Variants in RFX3 observed in about 807,000 individuals in gnomAD.
RFX3 encodes regulatory factor X3, also known as transcription factor RFX3.
A neutral mutation model predicts 98.6 loss-of-function variants in RFX3; 14 were observed. That is an observed-to-expected ratio of 0.14 (90% CI 0.09 to 0.22). The LOEUF is 0.22. RFX3 is among the 10% of genes least tolerant of loss of function. The pLI, the probability that RFX3 is intolerant of heterozygous loss-of-function variation, is 1.00. For synonymous variants in RFX3, 383 were observed against 328.4 expected (o/e 1.17, Z -1.80); for missense variants, 639 against 926.9 (o/e 0.69, Z 4.03).
At chr9:3,246,317 A>G (rs1051932617) in intron 15 of RFX3, among the ~76,000 whole-genome samples, 8 of 152,250 alleles carry the variant, frequency 5.3e-5, no homozygotes, top group Admixed American at 3.3e-4. Context: ...AACTATTAGA[A>G]TGGAGTTGGC....
intron 5 of RFX3, among the ~76,000 whole-genome samples, chr9:3,299,990 G>A (rs1019199912): frequency 6.6e-6 from 1 of 150,718 alleles, no homozygotes; most frequent in Non-Finnish European, 1.5e-5. Context: ...GCTGAAACAG[G>A]TAACTGGAAA....
intron 1 of RFX3, among the ~76,000 whole-genome samples, chr9:3,464,974 C>G (rs555224557): frequency 6.6e-6 from 1 of 152,078 alleles, no homozygotes; most frequent in South Asian, 2.1e-4. Context: ...CCTATGACTT[C>G]TATGCCTTTT....
At chr9:3,329,140 C>A (rs978156084) in intron 4 of RFX3, among the ~76,000 whole-genome samples, 2 of 152,066 alleles carry the variant, frequency 1.3e-5, no homozygotes, top group Non-Finnish European at 2.9e-5. Flanking sequence ...CTCAGTGGCT[C>A]ACATGCCTGT....
intron 1 of RFX3, among the ~76,000 whole-genome samples, chr9:3,459,235 T>A (rs916459859): frequency 2.0e-5 from 3 of 152,186 alleles, no homozygotes; most frequent in African/African-American, 4.8e-5. Flanking sequence ...CCAACACTTT[T>A]AAATTTCATC....
At chr9:3,281,717 C>T (rs1007207547) in intron 7 of RFX3, among the ~76,000 whole-genome samples, 2 of 151,738 alleles carry the variant, frequency 1.3e-5, no homozygotes, top group Admixed American at 6.6e-5. Context: ...GTCACTAACA[C>T]AGAAAACTTA....
intron 1 of RFX3, among the ~76,000 whole-genome samples, chr9:3,443,322 C>G (rs1294225002): frequency 1.3e-5 from 2 of 152,156 alleles, no homozygotes; most frequent in Non-Finnish European, 2.9e-5. Context: ...GCCCAGCATC[C>G]ATTAGCTATT....
chr9:3,450,384 T>G (rs1469668280), intron 1 of RFX3, among the ~76,000 whole-genome samples: 1 of 152,060 alleles, frequency 6.6e-6, no homozygotes, highest in Non-Finnish European at 1.5e-5. Flanking sequence ...TTTTCTCTCT[T>G]TTTTTTGCTA....
At chr9:3,239,890 G>A (rs1318770763) in intron 15 of RFX3, among the ~76,000 whole-genome samples, 14 of 152,146 alleles carry the variant, frequency 9.2e-5, no homozygotes, top group South Asian at 2.1e-4. Flanking sequence ...TCCCTGCCCC[G>A]TGGCTCTGAG....
intron 1 of RFX3, among the ~76,000 whole-genome samples, chr9:3,520,397 C>A (rs535918095): frequency 6.6e-6 from 1 of 152,214 alleles, no homozygotes; most frequent in African/African-American, 2.4e-5. Context: ...TCTTTCTAAG[C>A]TTACTTAAGG....
intron 1 of RFX3, among the ~76,000 whole-genome samples, chr9:3,503,382 G>C (rs913426921): frequency 2.6e-5 from 4 of 151,060 alleles, no homozygotes; most frequent in African/African-American, 9.7e-5. Context: ...TAACTTAAAT[G>C]TATACACATT....
At chr9:3,296,411 T>C (rs759163647) in intron 5 of RFX3, among the ~76,000 whole-genome samples, 3 of 152,044 alleles carry the variant, frequency 2.0e-5, no homozygotes, top group Non-Finnish European at 2.9e-5. Context: ...CTGAAATGGC[T>C]AGGTAAGTCA....
At chr9:3,320,201 T>A (rs2130719334) in intron 4 of RFX3, among the ~76,000 whole-genome samples, 1 of 152,320 alleles carries the variant, frequency 6.6e-6, no homozygotes, top group East Asian at 1.9e-4. Flanking sequence ...TTTTTTTTAA[T>A]AGATAATATA....
At chr9:3,458,660 A>C (rs1847406128) in intron 1 of RFX3, among the ~76,000 whole-genome samples, 2 of 152,206 alleles carry the variant, frequency 1.3e-5, no homozygotes, top group South Asian at 4.1e-4. Flanking sequence ...AGCTTTTAGG[A>C]ATAAAGTTTG....
chr9:3,360,179 A>G (rs1419170202), intron 2 of RFX3, among the ~76,000 whole-genome samples: 6 of 152,146 alleles, frequency 3.9e-5, no homozygotes, highest in African/African-American at 1.4e-4. Flanking sequence ...TCTCTATGAA[A>G]TTAATCATCT....
chr9:3,405,924 T>C (rs1841926105), intron 1 of RFX3, among the ~76,000 whole-genome samples: 1 of 152,138 alleles, frequency 6.6e-6, no homozygotes, highest in East Asian at 1.9e-4. Flanking sequence ...CTACCCACAG[T>C]TCCCCAAACC....
chr9:3,524,453 A>T (rs1040196362), intron 1 of RFX3: 22 of 916,130 alleles, frequency 2.4e-5, no homozygotes, highest in African/African-American at 3.6e-5. Flanking sequence ...CTAGATCTTA[A>T]CCAGAAAGAA....
chr9:3,427,867 T>G (rs1844267739), intron 1 of RFX3, among the ~76,000 whole-genome samples: 1 of 152,150 alleles, frequency 6.6e-6, no homozygotes, highest in Non-Finnish European at 1.5e-5. Flanking sequence ...CCCATTTCTG[T>G]GCAGCCTTCA....
At chr9:3,318,618 T>C (rs1830905069) in intron 4 of RFX3, among the ~76,000 whole-genome samples, 1 of 151,242 alleles carries the variant, frequency 6.6e-6, no homozygotes. Flanking sequence ...AACCAGAAAG[T>C]AGCTAAAGAC....
At chr9:3,423,949 C>A (rs930920490) in intron 1 of RFX3, among the ~76,000 whole-genome samples, 7 of 151,564 alleles carry the variant, frequency 4.6e-5, no homozygotes, top group African/African-American at 1.5e-4. Flanking sequence ...AGATCGAGAC[C>A]ATCCCGGCTA....
Sources: allele counts gnomAD v4.1 joint callset (sites outside exome capture counted in the v4.1 genomes callset), GRCh38; gene constraint gnomAD v4.1.1; transcripts MANE v1.5; gene names NCBI Gene and HGNC (gene_info 2026-07-23, HGNC 2026-07-21).